The following MYO15A variants were observed in gnomAD, a reference collection of about 807,000 sequenced individuals.
MYO15A encodes unconventional myosin-XV.
In MYO15A, 308 loss-of-function variants were observed where a neutral mutation model predicts 394.6. The ratio of observed to expected loss-of-function variants is 0.78; its 90% CI spans 0.71 to 0.86. MYO15A has a LOEUF of 0.86. Ranked by LOEUF, MYO15A falls within the 40% of genes least tolerant of loss-of-function variation. The pLI is 0.00. For missense variants in MYO15A, 4,606 were observed against 4,799.1 expected, an observed-to-expected ratio of 0.96 and a Z score of 1.19; for synonymous variants, 1,957 against 2,003.8, an observed-to-expected ratio of 0.98 and a Z score of 0.62.
At chr17:18,155,575 A>G in intron 47 of MYO15A, 143 bp downstream of exon 47, 1 of 811,764 alleles carries the variant, frequency 1.2e-6, no homozygotes, top group Admixed American at 2.1e-5. Context: ...CCCATTTTAG[A>G]GCTGGGGAAA....
At position 18,135,273 on chromosome 17, in the gene MYO15A, C is replaced by T. The variant is rs534754412; in HGVS notation, c.4483-438C>T. On this transcript the variant is annotated intron_variant, in intron 12 of 65. Transcript: ENST00000647165. ...GCAACCTCCGCCTCCTGGGTTCAAA[C>T]GATTCTCCTGCCTCAGCCTCCCAAG... is the stretch of plus-strand genomic sequence containing the variant. 1.1e-4 allele frequency among the ~76,000 whole-genome samples: 16 copies of T among 152,312 alleles called. No individual in the cohort carries two copies. The East Asian group carries it at 1.2e-3, about 11-fold the overall frequency.
At chr17:18,142,017 G>A (rs2046391039) in intron 23 of MYO15A, 62 bp from the exon 24 acceptor site, 2 of 1,588,788 alleles carry the variant, frequency 1.3e-6, no homozygotes, top group Non-Finnish European at 1.7e-6. Flanking sequence ...TCTAGAGAGG[G>A]AGGGGCCCTT....
intron 53 of MYO15A, 97 bp from the exon 54 acceptor site, chr17:18,159,178 G>A: frequency 6.7e-7 from 1 of 1,482,938 alleles, no homozygotes. Flanking sequence ...TTGTGACGTG[G>A]ACCCTCCTGT....
At position 18,121,218 on chromosome 17, in the gene MYO15A, C is replaced by T. The variant is rs564053026; in HGVS notation, c.2418C>T (p.Phe806=). 7.5e-4 allele frequency: 1,117 copies of T among 1,494,876 alleles called. 1 individual carries two copies. The Middle Eastern group carries it at 8.4e-3, about 11-fold the overall frequency. 92.6% of individuals were successfully genotyped at this position (1,494,876 alleles called of 1,614,324 possible). ...AGCTGTCCTTGCGCACGGGCCCCTTCCAGCCGCCCTTCCTGCCCCCGGCCC... is the reference window on the plus strand; with the variant it reads ...AGCTGTCCTTGCGCACGGGCCCCTTTCAGCCGCCCTTCCTGCCCCCGGCCC... ...SPQLSLRTGP[F]QPPFLPPARR... Residue 806 remains phenylalanine, a synonymous_variant, in exon 2 of 66, where the codon TTC becomes TTT. Transcript: ENST00000647165. The surrounding 1 kb of genome is among the most constrained non-coding windows in gnomAD (Gnocchi z 5.3).
chr17:18,136,702 A>AG lies in MYO15A; in HGVS notation c.4779+18dup. On this transcript the variant is annotated intron_variant, in intron 15 of 65. Transcript: ENST00000647165. The stretch of plus-strand genomic sequence containing the variant: ...TGGTTTCGAGGTGGGGCCGTGTAGG[A>AG]GGCTGAGGGGCGGGGGACATAGGCA... 1 of 1,587,032 alleles carries AG rather than the reference A, an allele frequency of 6.3e-7. No homozygotes were observed. Among genetic ancestry groups the AG allele is most frequent in the Non-Finnish European group, 8.5e-7 (1 of 1,169,856 alleles).
Position 18,161,655 on chromosome 17 carries a change from G to A in MYO15A, c.9517+208G>A, listed in dbSNP as rs854805. Among the ~76,000 whole-genome samples the A allele has an allele frequency of 0.35, 53,907 of 152,112 alleles. 10,119 individuals carry two copies. Among genetic ancestry groups the A allele is most frequent in the Non-Finnish European group, 0.42 (28,430 of 67,978 alleles). ...TCTGATCTAATGGAGGGGGTGGTCA[G>A]GGATGACTCCTTGGAGGAAGTATTG... is the stretch of plus-strand genomic sequence containing the variant. On this transcript the variant is annotated intron_variant, in intron 57 of 65. Coordinates refer to ENST00000647165, the MANE Select transcript of MYO15A (RefSeq NM_016239.4).
chr17:18,131,414 G>T, intron 9 of MYO15A, 54 bp from the exon 10 acceptor site: 1 of 1,612,972 alleles, frequency 6.2e-7, no homozygotes, highest in Non-Finnish European at 8.5e-7. Context: ...GCCCCTCGGA[G>T]CCAACACCAG....
In MYO15A at chr17:18,154,137, T is replaced by C. The variant is rs375877455; in HGVS notation, c.8095T>C (p.Tyr2699His). The change falls in exon 44 of 66, where the codon TAC becomes CAC. Residue 2699 changes from tyrosine (Y) to histidine (H), a missense_variant. Physicochemically the swap from Tyr to His is moderately conservative, Grantham distance 83. Transcript: ENST00000647165. ...WKIFLRKEVFYPKDSYSHPVQ... is the reference protein window; with the variant it reads ...WKIFLRKEVFHPKDSYSHPVQ... Reference sequence around the variant, plus strand: ...TGAAGCCCCGCCCCTGCAGGTGTTTTACCCCAAGGACAGCTACAGCCATCC... The same window carrying C: ...TGAAGCCCCGCCCCTGCAGGTGTTTCACCCCAAGGACAGCTACAGCCATCC... 4 of 1,613,950 alleles carry C rather than the reference T, an allele frequency of 2.5e-6. No homozygotes were observed. Among genetic ancestry groups the C allele is most frequent in the African/African-American group, 1.3e-5 (1 of 74,948 alleles).
At position 18,163,753 on chromosome 17, in the gene MYO15A, C is replaced by G. The variant is rs768813635; in HGVS notation, c.9702C>G (p.Asp3234Glu). The G allele has an allele frequency of 6.2e-7, 1 of 1,613,422 alleles. No homozygotes were observed. Among genetic ancestry groups the G allele is most frequent in the East Asian group, 2.2e-5 (1 of 44,858 alleles). ...LKIKTCTVAL[D>E]VVEEICAEMA... ...CGCCCCACCCCCAGGTGGCCCTGGA[C>G]GTGGTGGAAGAGATATGTGCTGAGA... The change falls in exon 60 of 66, where the codon GAC becomes GAG. Residue 3234 changes from aspartate (D) to glutamate (E), a missense_variant. Physicochemically the swap from Asp to Glu is conservative, Grantham distance 45. Transcript: ENST00000647165.
chr17:18,125,645 C>G (rs930980504), intron 4 of MYO15A: 1 of 209,152 alleles, frequency 4.8e-6, no homozygotes, highest in Non-Finnish European at 8.9e-6. Context: ...GCAGAGCTTG[C>G]AGTGAGCGGA....
intron 47 of MYO15A, 197 bp from the exon 48 acceptor site, chr17:18,155,998 G>C: frequency 1.4e-6 from 1 of 713,106 alleles, no homozygotes; most frequent in Non-Finnish European, 2.4e-6. Context: ...AGCCCAAAGG[G>C]TGGTAGGAAC....
intron 60 of MYO15A, among the ~76,000 whole-genome samples, chr17:18,165,810 G>C (rs999942708): frequency 6.6e-6 from 1 of 152,146 alleles, no homozygotes; most frequent in Non-Finnish European, 1.5e-5. Context: ...GTGTGAGATG[G>C]GTGGCAAAAA....
chr17:18,126,940 G>A, intron 6 of MYO15A, 75 bp downstream of exon 6: 1 of 1,599,872 alleles, frequency 6.3e-7, no homozygotes, highest in East Asian at 2.2e-5. Flanking sequence ...CAGAACTGCT[G>A]TGGGACCTTG....
Position 18,149,490 on chromosome 17 carries a change from A to G in MYO15A, c.7122A>G (p.Ser2374=). 6.2e-7 allele frequency: 1 copy of G among 1,613,620 alleles called. No homozygotes were observed. Among genetic ancestry groups the G allele is most frequent in the Non-Finnish European group, 8.5e-7 (1 of 1,179,448 alleles). The change falls in exon 35 of 66, where the codon TCA becomes TCG. Residue 2374 remains serine (S), a synonymous_variant. Coordinates refer to ENST00000647165, the MANE Select transcript of MYO15A (RefSeq NM_016239.4). ...AQRGTATHQE[S]DSLGEPAVPH... ...TTTTTGTGCCTTCCCCTCCAGAGTCAGACAGTCTTGGAGAGCCTGCTGTGC... is the reference window on the plus strand; with the variant it reads ...TTTTTGTGCCTTCCCCTCCAGAGTCGGACAGTCTTGGAGAGCCTGCTGTGC...
chr17:18,164,793 C>G (rs2046826618), intron 60 of MYO15A: 1 of 138,038 alleles, frequency 7.2e-6, no homozygotes. Context: ...GATCATGCCA[C>G]TGTACTCCAG....
intron 1 of MYO15A, among the ~76,000 whole-genome samples, chr17:18,113,149 CTG>C (rs764337244): frequency 2.6e-5 from 4 of 151,986 alleles, no homozygotes; most frequent in Non-Finnish European, 5.9e-5. Context: ...ACACCTGGCG[CTG>C]TATTTCTTTT....
At position 18,163,739 on chromosome 17, in the gene MYO15A, C is replaced by T. The variant is rs142996507; in HGVS notation, c.9691-3C>T. The T allele has an allele frequency of 1.2e-6, 2 of 1,611,866 alleles. No individual in the cohort carries two copies. The highest frequency in any genetic ancestry group is 2.2e-5 in the East Asian group (1 of 44,814). ...GGCCTCATCTCTTCCGCCCCACCCC[C>T]AGGTGGCCCTGGACGTGGTGGAAGA... On this transcript the variant is annotated splice_region_variant and splice_polypyrimidine_tract_variant and intron_variant, in intron 59 of 65. Transcript: ENST00000647165.
At chr17:18,131,196 A>G in intron 8 of MYO15A, 43 bp from the exon 9 acceptor site, 2 of 1,548,136 alleles carry the variant, frequency 1.3e-6, no homozygotes, top group Non-Finnish European at 1.8e-6. Context: ...CCCCCAGAAC[A>G]GTGCCTAGCC....
rs2046315815 is a variant in MYO15A, at chr17:18,138,236, G to C, written c.4997G>C (p.Cys1666Ser). 1 of 1,612,678 alleles carries C rather than the reference G, an allele frequency of 6.2e-7. No individual in the cohort carries two copies. Among genetic ancestry groups the C allele is most frequent in the Admixed American group, 1.7e-5 (1 of 60,008 alleles). ...CTGCGGATCCTTGACGACCAGTGTT[G>C]CTTTCCCCAGGTGAGCCGCAGGCAC... Reference protein sequence around the residue: ...GILRILDDQCCFPQATDHTFL... With the variant: ...GILRILDDQCSFPQATDHTFL... Residue 1666 changes from cysteine to serine, a missense_variant, in exon 17 of 66, where the codon TGC becomes TCC. Cys to Ser is a moderately radical substitution (Grantham distance 112). Around this residue, in one of 2 missense-constraint regions of MYO15A, gnomAD observed 2,776 missense variants for 3,109.3 expected, o/e 0.89. Transcript: ENST00000647165.
Sources: gnomAD v4.1 joint callset for allele counts (sites outside exome capture counted in the v4.1 genomes callset) on GRCh38, gnomAD v4.1.1 for gene constraint, gnomAD v4.1.1 regional missense constraint, Gnocchi (gnomAD v3.1) non-coding constraint, MANE v1.5 for transcripts, NCBI Gene and HGNC (gene_info 2026-07-23, HGNC 2026-07-21) for gene names.